The following RILPL1 variants were observed in gnomAD, a reference collection of about 807,000 sequenced individuals.
RILPL1 encodes the protein RILP-like protein 1.
In RILPL1, 33 loss-of-function variants were observed where a neutral mutation model predicts 50.3. The ratio of observed to expected loss-of-function variants is 0.66; its 90% CI spans 0.50 to 0.88. The LOEUF (loss-of-function observed/expected upper bound fraction) is 0.88, where lower values mean the gene tolerates loss of function less well. RILPL1 is among the 40% of genes least tolerant of loss of function. The probability of loss-of-function intolerance (pLI) is 0.00; values close to 1 mark genes in which losing one functional copy is unlikely to be tolerated. For missense variants in RILPL1, 418 were observed against 542.5 expected (o/e 0.77, Z 2.28); for synonymous variants, 205 against 228.6 (o/e 0.90, Z 0.93).
chr12:123,490,828 G>A (rs1470369039), intron 4 of RILPL1, among the ~76,000 whole-genome samples: 6 of 149,970 alleles, frequency 4.0e-5, no homozygotes, highest in East Asian at 2.0e-4. Flanking sequence ...TCAGCTCACC[G>A]CAACCTCTGC....
At chr12:123,507,013 C>A (rs191705299) in intron 2 of RILPL1, among the ~76,000 whole-genome samples, 2 of 152,112 alleles carry the variant, frequency 1.3e-5, no homozygotes, top group Non-Finnish European at 2.9e-5. Flanking sequence ...GGGCAAGAAT[C>A]CATTTAGCCA....
intron 6 of RILPL1, among the ~76,000 whole-genome samples, chr12:123,477,262 G>A (rs1881655923): frequency 6.6e-6 from 1 of 151,980 alleles, no homozygotes; most frequent in Non-Finnish European, 1.5e-5. Flanking sequence ...CGATGTTCCA[G>A]GTGTTTGGAT....
At chr12:123,515,261 G>T (rs1307545689) in intron 2 of RILPL1, 1 of 151,740 alleles carries the variant, frequency 6.6e-6, no homozygotes, top group Non-Finnish European at 1.5e-5. Flanking sequence ...TTATAAAAAA[G>T]GACAAGTAAT....
chr12:123,505,142 G>A (rs1883653702), intron 2 of RILPL1, among the ~76,000 whole-genome samples: 2 of 152,266 alleles, frequency 1.3e-5, no homozygotes, highest in East Asian at 1.9e-4. Flanking sequence ...CTCAGTTCAA[G>A]GACTTCTCCT....
At chr12:123,525,989 G>A (rs1407757326) in intron 1 of RILPL1, among the ~76,000 whole-genome samples, 1 of 152,172 alleles carries the variant, frequency 6.6e-6, no homozygotes, top group Non-Finnish European at 1.5e-5. Context: ...TCACAAAGCA[G>A]GGTTGCTGTT....
intron 1 of RILPL1, among the ~76,000 whole-genome samples, chr12:123,531,990 GCA>G (rs1190283169): frequency 2.6e-5 from 4 of 152,218 alleles, no homozygotes; most frequent in African/African-American, 9.7e-5. Flanking sequence ...ATGAGGACGA[GCA>G]CAGTCAAACA....
intron 2 of RILPL1, among the ~76,000 whole-genome samples, chr12:123,502,673 GTGC>G (rs1883470734): frequency 6.6e-6 from 1 of 152,238 alleles, no homozygotes; most frequent in Non-Finnish European, 1.5e-5. Context: ...CACACCGCAG[GTGC>G]CCATTAAGTT....
chr12:123,479,066 A>G (rs1881789026), intron 6 of RILPL1, among the ~76,000 whole-genome samples: 1 of 152,174 alleles, frequency 6.6e-6, no homozygotes, highest in Non-Finnish European at 1.5e-5. Flanking sequence ...CTGTGCAGAC[A>G]AGGGGCCACC....
At chr12:123,501,255 A>C (rs1883361696) in intron 2 of RILPL1, among the ~76,000 whole-genome samples, 1 of 151,768 alleles carries the variant, frequency 6.6e-6, no homozygotes, top group South Asian at 2.1e-4. Context: ...TGGGCAACAT[A>C]ACAAGACCCT....
At chr12:123,475,691 A>G (rs141128899) in intron 6 of RILPL1, 1 of 1,593,736 alleles carries the variant, frequency 6.3e-7, no homozygotes, top group Admixed American at 1.7e-5. Flanking sequence ...GACAGGCTGC[A>G]GTGTGGGGTC....
At position 123,499,272 on chromosome 12, in the gene RILPL1, C is replaced by T. The variant is rs1036412207; in HGVS notation, c.579+146G>A. 1.2e-4 allele frequency: 73 copies of T among 614,252 alleles called. 1 individual carries two copies. The highest frequency in any genetic ancestry group is 3.5e-5 in the Non-Finnish European group (12 of 342,582). 38.1% of individuals were successfully genotyped at this position (614,252 alleles called of 1,614,324 possible). ...AGACTTGAAGTTTCCAGGCTGGGCC[C>T]GCCAAGCCATGAGCAGGATCCACAC... is the stretch of plus-strand genomic sequence containing the variant. On this transcript the variant is annotated intron_variant, in intron 3 of 6. Coordinates refer to ENST00000376874, the MANE Select transcript of RILPL1 (RefSeq NM_178314.5).
intron 2 of RILPL1, among the ~76,000 whole-genome samples, chr12:123,503,515 G>C (rs1019714547): frequency 1.3e-5 from 2 of 151,772 alleles, no homozygotes; most frequent in African/African-American, 4.8e-5. Flanking sequence ...GAGAGATTTC[G>C]TTCCTTCCCT....
chr12:123,526,518 TA>T (rs2139390272), intron 1 of RILPL1, among the ~76,000 whole-genome samples: 1 of 152,146 alleles, frequency 6.6e-6, no homozygotes, highest in Non-Finnish European at 1.5e-5. Context: ...ATGGTTACTA[TA>T]AGTAAAGCGC....
chr12:123,505,621 G>A (rs538818041), intron 2 of RILPL1, among the ~76,000 whole-genome samples: 1 of 151,800 alleles, frequency 6.6e-6, no homozygotes, highest in African/African-American at 2.4e-5. Context: ...CCCGGCCATC[G>A]AGTTTTTGTT....
intron 1 of RILPL1, among the ~76,000 whole-genome samples, chr12:123,525,139 A>G (rs942889374): frequency 6.6e-6 from 1 of 151,938 alleles, no homozygotes; most frequent in Admixed American, 6.6e-5. Flanking sequence ...CTTGGAAAAA[A>G]TAATAATAAT....
Position 123,522,632 on chromosome 12 carries a change from C to T in RILPL1, c.460+863G>A, listed in dbSNP as rs1041885939. On this transcript the variant is annotated intron_variant, in intron 2 of 6. Coordinates refer to ENST00000376874, the MANE Select transcript of RILPL1 (RefSeq NM_178314.5). The surrounding 1 kb of genome is among the most constrained non-coding windows in gnomAD (Gnocchi z 4.0). ...TTCTTTATTTTTTTCATCTTACTGT[C>T]GCTCAGGCTGTAGCGCAGTGGTATG... 1.1e-4 allele frequency among the ~76,000 whole-genome samples: 16 copies of T among 152,144 alleles called. No homozygotes were observed. Among genetic ancestry groups the T allele is most frequent in the African/African-American group, 3.6e-4 (15 of 41,428 alleles).
chr12:123,502,591 T>C (rs1217466642), intron 2 of RILPL1, among the ~76,000 whole-genome samples: 1 of 151,462 alleles, frequency 6.6e-6, no homozygotes, highest in African/African-American at 2.4e-5. Flanking sequence ...AACTAGACTG[T>C]CAGCCACAGG....
At chr12:123,486,805 A>ATTT (rs565165986) in intron 4 of RILPL1, among the ~76,000 whole-genome samples, 3 of 125,424 alleles carry the variant, frequency 2.4e-5, no homozygotes, top group African/African-American at 5.9e-5. Flanking sequence ...ACACCCGGCA[A>ATTT]TTTTTTTTTT....
rs564609566 is a variant in RILPL1, at chr12:123,473,092, G to A, written c.1068-410C>T. On this transcript the variant is annotated intron_variant, in intron 6 of 6. Coordinates refer to ENST00000376874, the MANE Select transcript of RILPL1 (RefSeq NM_178314.5). Reference sequence around the variant, plus strand: ...AATATAAGAGGATTCTGTTGTAAACGAATGAGTATTTCTAATTTAAATAGT... The same window carrying A: ...AATATAAGAGGATTCTGTTGTAAACAAATGAGTATTTCTAATTTAAATAGT... 662 of 189,182 alleles carry A rather than the reference G, an allele frequency of 3.5e-3. 6 individuals are homozygous for A. Among genetic ancestry groups the A allele is most frequent in the African/African-American group, 0.014 (599 of 43,024 alleles). The allele number at this position is 189,182 out of a possible 1,614,324, so 11.7% of individuals were successfully genotyped here.
Sources: gnomAD v4.1 joint callset for allele counts (sites outside exome capture counted in the v4.1 genomes callset) on GRCh38, gnomAD v4.1.1 for gene constraint, Gnocchi (gnomAD v3.1) non-coding constraint, MANE v1.5 for transcripts, NCBI Gene and HGNC (gene_info 2026-07-23, HGNC 2026-07-21) for gene names.